FBN2: variants seen among roughly 807,000 people sequenced by gnomAD.
FBN2 encodes fibrillin 2.
Under a neutral mutation model 355.6 loss-of-function variants are expected in FBN2, and 105 were observed. The observed-to-expected ratio is 0.30, with a 90% confidence interval of 0.25 to 0.35. The LOEUF is 0.35. Among genes scored for constraint, FBN2 ranks in the 10% least tolerant of loss-of-function variants. FBN2 has a pLI of 1.00. For missense variants in FBN2, 3,280 were observed against 3,758.7 expected (o/e 0.87, Z 3.33); for synonymous variants, 1,350 against 1,301.2 (o/e 1.04, Z -0.81).
At chr5:128,324,356 G>A (rs1449831883) in intron 34 of FBN2, among the ~76,000 whole-genome samples, 1 of 151,918 alleles carries the variant, frequency 6.6e-6, no homozygotes, top group Non-Finnish European at 1.5e-5. Context: ...CTTGCTTCTC[G>A]AGTTCTTTTA....
chr5:128,395,107 C>T lies in FBN2; in HGVS notation c.1231+15G>A. 1 of 1,613,942 alleles carries T rather than the reference C, an allele frequency of 6.2e-7. No homozygotes were observed. Among genetic ancestry groups the T allele is most frequent in the Non-Finnish European group, 8.5e-7 (1 of 1,179,866 alleles). ...ACAGTGTCTGTGCTGAGGAGACTAA[C>T]AGCCAGCCACGTACCAGAACCTCTG... On this transcript the variant is annotated intron_variant, in intron 9 of 64. Coordinates refer to ENST00000262464, the MANE Select transcript of FBN2 (RefSeq NM_001999.4).
chr5:128,409,871 T>C (rs1329922592), intron 7 of FBN2, among the ~76,000 whole-genome samples: 1 of 152,088 alleles, frequency 6.6e-6, no homozygotes, highest in Non-Finnish European at 1.5e-5. Flanking sequence ...ACACACAAAA[T>C]ATGTTTAACC....
At chr5:128,465,208 A>G (rs911094176) in intron 5 of FBN2, among the ~76,000 whole-genome samples, 6 of 152,220 alleles carry the variant, frequency 3.9e-5, no homozygotes, top group Admixed American at 2.0e-4. Context: ...AATTTAAATT[A>G]GTAGCCAACA....
At chr5:128,323,696 T>C (rs1359743245) in intron 34 of FBN2, among the ~76,000 whole-genome samples, 4 of 152,240 alleles carry the variant, frequency 2.6e-5, no homozygotes, top group African/African-American at 7.2e-5. Flanking sequence ...GGTTTGCCAG[T>C]ATTTTATTGA....
At chr5:128,489,862 T>C (rs1755452724) in intron 5 of FBN2, among the ~76,000 whole-genome samples, 3 of 152,288 alleles carry the variant, frequency 2.0e-5, no homozygotes, top group Admixed American at 1.3e-4. Flanking sequence ...AAGCCAATAT[T>C]GTATAGACTA....
chr5:128,443,004 T>C (rs1753962902), intron 7 of FBN2, among the ~76,000 whole-genome samples: 1 of 152,200 alleles, frequency 6.6e-6, no homozygotes, highest in African/African-American at 2.4e-5. Flanking sequence ...AAACTATATA[T>C]GCTCAAACTT....
chr5:128,309,885 T>A (rs1749985383), intron 40 of FBN2, 98 bp downstream of exon 40: 2 of 1,363,468 alleles, frequency 1.5e-6, no homozygotes, highest in Admixed American at 3.4e-5. Flanking sequence ...TCACGAAGAC[T>A]GAACTTCCAA....
At chr5:128,489,422 T>C (rs1755440333) in intron 5 of FBN2, among the ~76,000 whole-genome samples, 1 of 145,300 alleles carries the variant, frequency 6.9e-6, no homozygotes, top group Non-Finnish European at 1.5e-5. Context: ...TATTTGAATT[T>C]GTTTTTCTCT....
chr5:128,441,168 C>T (rs377410085), intron 7 of FBN2, among the ~76,000 whole-genome samples: 1 of 152,188 alleles, frequency 6.6e-6, no homozygotes, highest in East Asian at 1.9e-4. Flanking sequence ...AATCACGCAG[C>T]TTATAATCTC....
Position 128,334,798 on chromosome 5 carries a change from T to C in FBN2, c.4020A>G (p.Glu1340=), listed in dbSNP as rs552636505. 6.2e-7 allele frequency: 1 copy of C among 1,613,202 alleles called. No homozygotes were observed. The highest frequency in any genetic ancestry group is 1.3e-5 in the African/African-American group (1 of 75,034). ...DLNSNICMFG[E]CENTKGSFIC... ...TGAAGGATCCCTTTGTGTTCTCACATTCCCCAAACATGCAGATATTTGAAT... is the reference window on the plus strand; with the variant it reads ...TGAAGGATCCCTTTGTGTTCTCACACTCCCCAAACATGCAGATATTTGAAT... The change falls in exon 31 of 65, where the codon GAA becomes GAG. Residue 1340 remains glutamate, a synonymous_variant. Coordinates refer to ENST00000262464, the MANE Select transcript of FBN2 (RefSeq NM_001999.4).
chr5:128,537,155 G>A (rs1463064703), intron 1 of FBN2, among the ~76,000 whole-genome samples, 195 bp downstream of exon 1: 7 of 152,108 alleles, frequency 4.6e-5, no homozygotes, highest in Admixed American at 3.9e-4. Flanking sequence ...AGGGCTTTCC[G>A]CCCGCTGAGC....
intron 45 of FBN2, among the ~76,000 whole-genome samples, chr5:128,303,708 T>C (rs1749783697): frequency 2.0e-5 from 3 of 152,200 alleles, no homozygotes; most frequent in Admixed American, 2.0e-4. Flanking sequence ...GCTGGTATTG[T>C]TCTTTAGGAA....
At chr5:128,533,137 T>C (rs979741363) in intron 2 of FBN2, among the ~76,000 whole-genome samples, 1 of 152,238 alleles carries the variant, frequency 6.6e-6, no homozygotes, top group Admixed American at 6.5e-5. Flanking sequence ...GAGTTGACTC[T>C]TACTTCTTAA....
chr5:128,292,215 T>C (rs914606215), intron 48 of FBN2, among the ~76,000 whole-genome samples: 1 of 152,082 alleles, frequency 6.6e-6, no homozygotes, highest in African/African-American at 2.4e-5. Flanking sequence ...AAAACGTCCA[T>C]CTGATTACAT....
chr5:128,313,958 A>T (rs1750132761), intron 36 of FBN2, among the ~76,000 whole-genome samples: 2 of 149,038 alleles, frequency 1.3e-5, no homozygotes, highest in South Asian at 4.3e-4. Context: ...AGTTCCAGCC[A>T]CCATCATTAT....
In FBN2 at chr5:128,258,533, A is replaced by T. The variant is rs1217997053; in HGVS notation, c.*922T>A. On this transcript the variant is annotated 3_prime_UTR_variant, in exon 65 of 65. Coordinates refer to ENST00000262464, the MANE Select transcript of FBN2 (RefSeq NM_001999.4). ...CACAGAATGCCAGGTGTTCCCTTTC[A>T]AGGGAACGGCGGTTCTTCAGCTGCC... 1.3e-5 allele frequency: 2 copies of T among 152,654 alleles called. No homozygotes were observed. The highest frequency in any genetic ancestry group is 4.8e-5 in the African/African-American group (2 of 41,468). 9.5% of individuals were successfully genotyped at this position (152,654 alleles called of 1,614,324 possible). A position where few individuals can be genotyped will look rare whatever the true frequency, so the allele number is the denominator to read the frequency against.
chr5:128,497,509 G>T (rs1755688055), intron 5 of FBN2, among the ~76,000 whole-genome samples: 1 of 152,164 alleles, frequency 6.6e-6, no homozygotes, highest in Non-Finnish European at 1.5e-5. Flanking sequence ...TAACACTCAA[G>T]AAAGTGGCCT....
At chr5:128,444,155 C>T (rs1754002861) in intron 7 of FBN2, among the ~76,000 whole-genome samples, 2 of 144,888 alleles carry the variant, frequency 1.4e-5, no homozygotes, top group African/African-American at 2.6e-5. Context: ...TCACTGCAAG[C>T]TCCGCCTCCT....
intron 31 of FBN2, among the ~76,000 whole-genome samples, chr5:128,334,379 C>T (rs1309400849): frequency 6.6e-6 from 1 of 152,092 alleles, no homozygotes; most frequent in South Asian, 2.1e-4. Context: ...GCTCTTTGTA[C>T]ATGAATGTCT....
Sources: gnomAD v4.1 joint callset for allele counts (sites outside exome capture counted in the v4.1 genomes callset) on GRCh38, gnomAD v4.1.1 for gene constraint, MANE v1.5 for transcripts, NCBI Gene and HGNC (gene_info 2026-07-23, HGNC 2026-07-21) for gene names.